XIRP2: variants seen among roughly 807,000 people sequenced by gnomAD.
XIRP2 encodes xin actin-binding repeat-containing protein 2.
A neutral mutation model predicts 277.0 loss-of-function variants in XIRP2; 236 were observed. The ratio of observed to expected loss-of-function variants is 0.85; its 90% CI spans 0.77 to 0.95. The LOEUF (loss-of-function observed/expected upper bound fraction) is 0.95. XIRP2 is among the 40% of genes least tolerant of loss of function. XIRP2 has a pLI of 0.00. For synonymous variants in XIRP2, 1,490 were observed against 1,416.5 expected (o/e 1.05, Z -1.17); for missense variants, 4,640 against 4,157.5 (o/e 1.12, Z -3.19).
At chr2:166,987,040 C>T (rs1022552916) in intron 2 of XIRP2, among the ~76,000 whole-genome samples, 1 of 151,984 alleles carries the variant, frequency 6.6e-6, no homozygotes, top group Non-Finnish European at 1.5e-5. Flanking sequence ...ACCTGGGAAT[C>T]TAAATGGAGG....
chr2:167,148,447 AAAG>A (rs200532494), intron 3 of XIRP2, among the ~76,000 whole-genome samples: 5,574 of 144,162 alleles, frequency 0.039, 114 homozygotes, highest in Non-Finnish European at 0.051. Context: ...GAAAAAGAAA[AAAG>A]AAAGCAAGCA....
intron 2 of XIRP2, among the ~76,000 whole-genome samples, chr2:166,944,818 A>C (rs1166728285): frequency 6.6e-6 from 1 of 152,160 alleles, no homozygotes; most frequent in East Asian, 1.9e-4. Flanking sequence ...TAAAGACATT[A>C]AGTAAAATAA....
chr2:166,908,579 G>A (rs1375349220), intron 2 of XIRP2, among the ~76,000 whole-genome samples: 2 of 152,136 alleles, frequency 1.3e-5, no homozygotes, highest in African/African-American at 4.8e-5. Flanking sequence ...TGTTCACTCT[G>A]ATGGTAGTTT....
chr2:167,068,771 C>G (rs180713810), intron 2 of XIRP2, among the ~76,000 whole-genome samples: 86 of 152,244 alleles, frequency 5.6e-4, no homozygotes, highest in Non-Finnish European at 2.1e-4. Context: ...TCGCATGCAG[C>G]CCAGGACAGC....
rs189582911 is a variant in XIRP2 at position 167,098,799 on chromosome 2, C to T, written c.409-37110C>T. 4.5e-4 allele frequency among the ~76,000 whole-genome samples: 69 copies of T among 152,284 alleles called. 1 individual carries two copies. Among genetic ancestry groups the T allele is most frequent in the East Asian group, 5.8e-4 (3 of 5,188 alleles). ...TTAGTTTTCCTTCTAACAGTCAGGC[C>T]GCTCTTCTGCAGATCTGCTGGAGTT... On this transcript the variant is annotated intron_variant, in intron 2 of 10. Coordinates refer to ENST00000409195, the MANE Select transcript of XIRP2 (RefSeq NM_152381.6).
intron 2 of XIRP2, among the ~76,000 whole-genome samples, chr2:167,076,035 A>G (rs1689561789): frequency 6.6e-6 from 1 of 152,110 alleles, no homozygotes. Context: ...GCAGTTTTTT[A>G]CAGGAGTTTT....
chr2:166,930,118 T>C lies in XIRP2; in HGVS notation c.408+26228T>C, dbSNP rs983682291. Among the ~76,000 whole-genome samples, 9 of 152,286 alleles carry C rather than the reference T, an allele frequency of 5.9e-5. No individual in the cohort carries two copies. In the East Asian group the frequency reaches 9.7e-4, roughly 16 times the overall value. Reference sequence around the variant, plus strand: ...TTTAATATGTTGCCCATGGAAATGTTCTAGATCTGGGTGAGACATTGGCAA... The same window carrying C: ...TTTAATATGTTGCCCATGGAAATGTCCTAGATCTGGGTGAGACATTGGCAA... On this transcript the variant is annotated intron_variant, in intron 2 of 10. Coordinates refer to ENST00000409195, the MANE Select transcript of XIRP2 (RefSeq NM_152381.6).
chr2:167,240,231 G>A (rs1034503197), intron 6 of XIRP2, among the ~76,000 whole-genome samples: 1 of 152,020 alleles, frequency 6.6e-6, no homozygotes, highest in Non-Finnish European at 1.5e-5. Context: ...GGCCAACATA[G>A]TGAAACCCTG....
At chr2:166,915,130 G>A (rs1370371797) in intron 2 of XIRP2, among the ~76,000 whole-genome samples, 3 of 150,814 alleles carry the variant, frequency 2.0e-5, no homozygotes, top group African/African-American at 4.9e-5. Flanking sequence ...ACCACGTCTA[G>A]ACTAAAAATA....
At chr2:166,908,105 T>C (rs1684579745) in intron 2 of XIRP2, among the ~76,000 whole-genome samples, 1 of 152,162 alleles carries the variant, frequency 6.6e-6, no homozygotes, top group Non-Finnish European at 1.5e-5. Context: ...AGCAGCATGA[T>C]TTATAATCCT....
At chr2:167,112,705 G>A (rs1690793608) in intron 2 of XIRP2, among the ~76,000 whole-genome samples, 1 of 151,978 alleles carries the variant, frequency 6.6e-6, no homozygotes, top group Non-Finnish European at 1.5e-5. Context: ...AGGCTGGAGT[G>A]CAGTGGCACA....
At position 167,109,804 on chromosome 2, in the gene XIRP2, ATTCCCTTTT is replaced by A. The variant is rs1690705380; in HGVS notation, c.409-26104_409-26096del. Among the ~76,000 whole-genome samples the A allele has an allele frequency of 2.0e-5, 3 of 152,232 alleles. No individual in the cohort carries two copies. The South Asian group carries it at 6.2e-4, about 32-fold the overall frequency. On this transcript the variant is annotated intron_variant, in intron 2 of 10. Coordinates refer to ENST00000409195, the MANE Select transcript of XIRP2 (RefSeq NM_152381.6). The stretch of plus-strand genomic sequence containing the variant: ...ACAATCTCACCAGCAGTGTGTAAGC[ATTCCCTTTT>A]CTCCACTACCTCATCAGCATCTGTT...
Position 167,248,351 on chromosome 2 carries a change from C to G in XIRP2, c.6959C>G (p.Pro2320Arg). ...LPPPPPLMMFPEKNGFLPSLS... is the reference protein window; with the variant it reads ...LPPPPPLMMFREKNGFLPSLS... ...CCTCCACCTCCTTTGATGATGTTTC[C>G]TGAAAAAAATGGGTTTCTTCCCTCA... The change falls in exon 9 of 11, where the codon CCT (proline) becomes CGT (arginine). Residue 2320 changes from proline (P) to arginine (R), a missense_variant. Physicochemically the swap from Pro to Arg is moderately radical, Grantham distance 103. Coordinates refer to ENST00000409195, the MANE Select transcript of XIRP2 (RefSeq NM_152381.6). 2 of 1,613,542 alleles carry G rather than the reference C, an allele frequency of 1.2e-6. No individual in the cohort carries two copies. The highest frequency in any genetic ancestry group is 1.7e-6 in the Non-Finnish European group (2 of 1,179,774).
intron 3 of XIRP2, among the ~76,000 whole-genome samples, chr2:167,153,629 A>G (rs1177852325): frequency 1.3e-5 from 2 of 151,666 alleles, no homozygotes; most frequent in South Asian, 2.1e-4. Context: ...TCATTGTTCA[A>G]TTCCCACCTA....
rs534263622 is a variant in XIRP2 at position 167,021,796 on chromosome 2, G to C, written c.409-114113G>C. ...GCCGTGACTGTGTCACTGTACTCCA[G>C]CCTGGGTGACAGAGAGAGATCCTGT... On this transcript the variant is annotated intron_variant, in intron 2 of 10. Coordinates refer to ENST00000409195, the MANE Select transcript of XIRP2 (RefSeq NM_152381.6). Among the ~76,000 whole-genome samples, 11 of 152,164 alleles carry C rather than the reference G, an allele frequency of 7.2e-5. 1 individual carries two copies. The East Asian group carries it at 2.1e-3, about 29-fold the overall frequency.
At chr2:166,954,461 C>T (rs1686113587) in intron 2 of XIRP2, among the ~76,000 whole-genome samples, 3 of 151,890 alleles carry the variant, frequency 2.0e-5, no homozygotes, top group Admixed American at 1.3e-4. Context: ...CGCTTTTACA[C>T]TGTTGGTGGG....
intron 2 of XIRP2, among the ~76,000 whole-genome samples, chr2:167,114,260 C>T (rs112993083): frequency 0.03 from 4,632 of 152,172 alleles, 78 homozygotes; most frequent in East Asian, 0.05. Flanking sequence ...CTTTCAGAGA[C>T]GCCAATGCGT....
chr2:166,970,668 C>G (rs897104625), intron 2 of XIRP2, among the ~76,000 whole-genome samples: 1 of 151,656 alleles, frequency 6.6e-6, no homozygotes, highest in Non-Finnish European at 1.5e-5. Context: ...AAAACACAGA[C>G]AAATGAAAAG....
chr2:167,128,662 C>G (rs1338153455), intron 2 of XIRP2, among the ~76,000 whole-genome samples: 2 of 152,148 alleles, frequency 1.3e-5, no homozygotes, highest in African/African-American at 2.4e-5. Flanking sequence ...CCGCCACCCC[C>G]ACTTAATTCA....
Sources: allele counts gnomAD v4.1 joint callset (sites outside exome capture counted in the v4.1 genomes callset), GRCh38; gene constraint gnomAD v4.1.1; transcripts MANE v1.5; gene names NCBI Gene and HGNC (gene_info 2026-07-23, HGNC 2026-07-21).